Variants in C4orf50 observed in about 807,000 individuals in gnomAD.
C4orf50 encodes the protein chromosome 4 open reading frame 50.
Under a neutral mutation model 77.2 loss-of-function variants are expected in C4orf50, and 80 were observed. That is an observed-to-expected ratio of 1.04 (90% CI 0.87 to 1.25). C4orf50 has a LOEUF of 1.25. Ranked by LOEUF, C4orf50 falls within the 50% of genes most tolerant of loss-of-function variation. C4orf50 has a pLI of 0.00. For missense variants in C4orf50, 1,257 were observed against 1,152.9 expected, an observed-to-expected ratio of 1.09 and a Z score of -1.31; for synonymous variants, 532 against 465.3, an observed-to-expected ratio of 1.14 and a Z score of -1.84.
At position 5,932,929 on chromosome 4, in the gene C4orf50, C is replaced by G. The variant is rs1291419359; in HGVS notation, c.*2474+23972G>C. Among the ~76,000 whole-genome samples, 1 of 152,160 alleles carries G rather than the reference C, an allele frequency of 6.6e-6. No homozygotes were observed. Among genetic ancestry groups the G allele is most frequent in the Non-Finnish European group, 1.5e-5 (1 of 68,036 alleles). ...GGTGCAGCTCCTGGCATACAGCAGC[C>G]ACTCAATAAATGGCGGAAACCATAT... On this transcript the variant is annotated intron_variant, in intron 7 of 7. Coordinates refer to the C4orf50 transcript ENST00000324058. This position sits in a 1 kb window ranked among gnomAD's most constrained non-coding sequence, Gnocchi z 4.2.
At chr4:5,952,354 A>T (rs1718763989), downstream of C4orf50, among the ~76,000 whole-genome samples, 1 of 152,252 alleles carries the variant, frequency 6.6e-6, no homozygotes, top group Non-Finnish European at 1.5e-5. This position sits in a 1 kb window ranked among gnomAD's most constrained non-coding sequence, Gnocchi z 4.4. Context: ...GAATTTGCAC[A>T]GAAAGCCAAT....
intron 33 of C4orf50, among the ~76,000 whole-genome samples, chr4:5,962,482 G>C (rs957185766): frequency 1.3e-5 from 2 of 152,330 alleles, no homozygotes; most frequent in East Asian, 3.9e-4. Context: ...TTTCTGGCCA[G>C]TGTCACTGAC....
rs1208099207 is a variant in C4orf50 at position 6,008,421 on chromosome 4, A to G, written c.538T>C (p.Cys180Arg). The G allele has an allele frequency of 5.1e-6, 2 of 395,508 alleles. No individual in the cohort carries two copies. The highest frequency in any genetic ancestry group is 8.9e-6 in the Non-Finnish European group (2 of 224,166). 24.5% of individuals were successfully genotyped at this position (395,508 alleles called of 1,614,324 possible). A position where few individuals can be genotyped will look rare whatever the true frequency, so the allele number is the denominator to read the frequency against. ...AGCTGGCGCCGCTGGGTCCGCCGGC[A>G]GCGCTCCAGGGCCGCCGCCTGCTGC... The change falls in exon 25 of 34, where the codon TGC becomes CGC. Residue 180 changes from cysteine (C) to arginine (R), a missense_variant. By Grantham distance (180) the Cys-to-Arg change is radical (BLOSUM62 -3). Transcript: ENST00000531445. This position sits in a 1 kb window ranked among gnomAD's most constrained non-coding sequence, Gnocchi z 6.0.
intron 26 of C4orf50, among the ~76,000 whole-genome samples, chr4:5,993,634 T>C (rs2108794968): frequency 6.6e-6 from 1 of 152,062 alleles, no homozygotes; most frequent in African/African-American, 2.4e-5. Flanking sequence ...CTGGCCAACA[T>C]GGCAAAACCC....
At chr4:5,914,192 T>C (rs1716930974) in intron 7 of C4orf50, among the ~76,000 whole-genome samples, 1 of 148,276 alleles carries the variant, frequency 6.7e-6, no homozygotes, top group African/African-American at 2.5e-5. Flanking sequence ...ATTTTGTTTT[T>C]GTTTTTATGG....
At chr4:5,978,425 T>C (rs903191712) in intron 29 of C4orf50, among the ~76,000 whole-genome samples, 1 of 152,206 alleles carries the variant, frequency 6.6e-6, no homozygotes, top group Non-Finnish European at 1.5e-5. Context: ...CAAAGAGTAC[T>C]ATTTAGCTGG....
chr4:5,934,503 C>T (rs1717922247), intron 7 of C4orf50, among the ~76,000 whole-genome samples: 1 of 152,200 alleles, frequency 6.6e-6, no homozygotes, highest in African/African-American at 2.4e-5. Context: ...CGTCTGGCCC[C>T]TGTCTACCTT....
intron 7 of C4orf50, among the ~76,000 whole-genome samples, chr4:5,950,441 G>A (rs1412946192): frequency 2.6e-5 from 4 of 152,222 alleles, no homozygotes; most frequent in Non-Finnish European, 2.9e-5. Flanking sequence ...CATTGTCGAC[G>A]TTGCTGATGA....
At chr4:5,912,322 G>A (rs1340971726) in intron 7 of C4orf50, among the ~76,000 whole-genome samples, 2 of 151,566 alleles carry the variant, frequency 1.3e-5, no homozygotes, top group African/African-American at 4.9e-5. Context: ...ATGTAAGAAT[G>A]AATGAATGGA....
Position 5,927,595 on chromosome 4 carries a change from G to A in C4orf50, c.*2474+29306C>T, listed in dbSNP as rs190920369. On this transcript the variant is annotated intron_variant, in intron 7 of 7. Transcript: ENST00000324058. ...GAGGGAGTTCTCATGAGATCTGATGGTTTGAAAGTGGGAGTTTACCCTGCT... is the reference window on the plus strand; with the variant it reads ...GAGGGAGTTCTCATGAGATCTGATGATTTGAAAGTGGGAGTTTACCCTGCT... 4.1e-3 allele frequency among the ~76,000 whole-genome samples: 619 copies of A among 151,922 alleles called. 4 individuals are homozygous for A. The highest frequency in any genetic ancestry group is 0.014 in the African/African-American group (588 of 41,386).
chr4:5,955,008 G>A (rs1418014646), downstream of C4orf50, among the ~76,000 whole-genome samples: 1 of 152,106 alleles, frequency 6.6e-6, no homozygotes, highest in African/African-American at 2.4e-5. This position sits in a 1 kb window ranked among gnomAD's most constrained non-coding sequence, Gnocchi z 5.1. Flanking sequence ...GCCTGAAACA[G>A]CAGCCTTGCT....
intron 7 of C4orf50, among the ~76,000 whole-genome samples, chr4:5,920,154 C>T (rs1250106344): frequency 6.6e-6 from 1 of 152,156 alleles, no homozygotes; most frequent in Non-Finnish European, 1.5e-5. Flanking sequence ...CTTAGGAGGT[C>T]CTGGAAACAA....
At chr4:5,944,283 G>T (rs1324853290) in intron 7 of C4orf50, among the ~76,000 whole-genome samples, 1 of 152,114 alleles carries the variant, frequency 6.6e-6, no homozygotes, top group Non-Finnish European at 1.5e-5. Context: ...CTCCATGAAG[G>T]CTGGAGGCCC....
At chr4:5,936,928 C>T (rs1235854898) in intron 7 of C4orf50, among the ~76,000 whole-genome samples, 50 of 151,808 alleles carry the variant, frequency 3.3e-4, no homozygotes, top group Admixed American at 3.3e-3. Flanking sequence ...CAGGCGTCTT[C>T]ATGAAAGCCA....
At chr4:5,939,343 C>G (rs1352279176) in intron 7 of C4orf50, among the ~76,000 whole-genome samples, 1 of 152,190 alleles carries the variant, frequency 6.6e-6, no homozygotes. Flanking sequence ...GTCACTGTCC[C>G]CTCTCCATTA....
In C4orf50 at chr4:6,008,545, G is replaced by A. The variant is rs992978906; in HGVS notation, c.427-13C>T. 6 of 397,706 alleles carry A rather than the reference G, an allele frequency of 1.5e-5. No homozygotes were observed. The highest frequency in any genetic ancestry group is 8.8e-5 in the Admixed American group (2 of 22,698). The allele number at this position is 397,706 out of a possible 1,614,324, so 24.6% of individuals were successfully genotyped here. A position where few individuals can be genotyped will look rare whatever the true frequency, so the allele number is the denominator to read the frequency against. Reference sequence around the variant, plus strand: ...TCTCCTCCCGGATCTACAAGTTGGCGGTGGATGAGGGCGTCAGCAAGCCCA... The same window carrying A: ...TCTCCTCCCGGATCTACAAGTTGGCAGTGGATGAGGGCGTCAGCAAGCCCA... On this transcript the variant is annotated splice_polypyrimidine_tract_variant and intron_variant, in intron 24 of 33. Transcript: ENST00000531445. The surrounding 1 kb of genome is among the most constrained non-coding windows in gnomAD (Gnocchi z 6.0).
chr4:5,967,152 T>C (rs1034745891), intron 32 of C4orf50, among the ~76,000 whole-genome samples: 9 of 152,230 alleles, frequency 5.9e-5, no homozygotes, highest in African/African-American at 2.2e-4. Flanking sequence ...ACATACAGAA[T>C]TATCTACTTA....
At chr4:5,929,132 C>G (rs114889383) in intron 7 of C4orf50, among the ~76,000 whole-genome samples, 2,642 of 152,266 alleles carry the variant, frequency 0.017, 38 homozygotes, top group Non-Finnish European at 0.025. Flanking sequence ...CATTTCCAGG[C>G]AGTTGGACAT....
At chr4:5,918,875 A>C (rs1309495817) in intron 7 of C4orf50, among the ~76,000 whole-genome samples, 1 of 152,092 alleles carries the variant, frequency 6.6e-6, no homozygotes, top group African/African-American at 2.4e-5. Context: ...AAATGAATGG[A>C]GTCTCCTGGC....
Sources: gnomAD v4.1 joint callset for allele counts (sites outside exome capture counted in the v4.1 genomes callset) on GRCh38, gnomAD v4.1.1 for gene constraint, Gnocchi (gnomAD v3.1) non-coding constraint, MANE v1.5 for transcripts, NCBI Gene and HGNC (gene_info 2026-07-23, HGNC 2026-07-21) for gene names.